Variants in MAMDC2 observed in about 807,000 individuals in gnomAD.
MAMDC2 encodes MAM domain-containing protein 2.
A neutral mutation model predicts 89.8 loss-of-function variants in MAMDC2; 57 were observed. That is an observed-to-expected ratio of 0.63 (90% CI 0.51 to 0.79). The LOEUF is 0.79. Ranked by LOEUF, MAMDC2 falls within the 30% of genes least tolerant of loss-of-function variation. The pLI, the probability that MAMDC2 is intolerant of heterozygous loss-of-function variation, is 0.00. For synonymous variants in MAMDC2, 313 were observed against 293.4 expected, an observed-to-expected ratio of 1.07 and a Z score of -0.68; for missense variants, 800 against 820.6, an observed-to-expected ratio of 0.97 and a Z score of 0.31.
intron 2 of MAMDC2, among the ~76,000 whole-genome samples, chr9:70,096,085 G>A (rs1828020497): frequency 6.6e-6 from 1 of 151,734 alleles, no homozygotes; most frequent in Non-Finnish European, 1.5e-5. Flanking sequence ...CTGCACTGGT[G>A]CAATCACAGC....
intron 5 of MAMDC2, among the ~76,000 whole-genome samples, chr9:70,121,602 A>G (rs2030289008): frequency 6.6e-6 from 1 of 152,098 alleles, no homozygotes; most frequent in South Asian, 2.1e-4. Context: ...GTAATACTTT[A>G]GAATCTCTGT....
At chr9:70,061,566 C>G (rs990902107) in intron 2 of MAMDC2, among the ~76,000 whole-genome samples, 5 of 152,148 alleles carry the variant, frequency 3.3e-5, no homozygotes, top group Non-Finnish European at 7.4e-5. Context: ...AAACCAGGAA[C>G]TGGACTAAGG....
intron 9 of MAMDC2, among the ~76,000 whole-genome samples, chr9:70,152,792 G>A (rs941922828): frequency 1.3e-5 from 2 of 152,158 alleles, no homozygotes; most frequent in African/African-American, 4.8e-5. Flanking sequence ...TCTTTCATGT[G>A]TAAAATGGGT....
chr9:70,086,684 C>T (rs1445514259), intron 2 of MAMDC2: 4 of 152,026 alleles, frequency 2.6e-5, no homozygotes, highest in Non-Finnish European at 4.4e-5. Flanking sequence ...GCAAATAAAC[C>T]CTCCAGGGAT....
At chr9:70,067,554 G>A (rs928201125) in intron 2 of MAMDC2, among the ~76,000 whole-genome samples, 4 of 152,180 alleles carry the variant, frequency 2.6e-5, no homozygotes, top group Non-Finnish European at 5.9e-5. Flanking sequence ...AAGTTATCAA[G>A]TACAGGACAA....
At chr9:70,066,513 G>A (rs1827268926) in intron 2 of MAMDC2, among the ~76,000 whole-genome samples, 1 of 152,218 alleles carries the variant, frequency 6.6e-6, no homozygotes, top group Middle Eastern at 3.4e-3. Flanking sequence ...CAAGGGCGAA[G>A]GGGAGGTAGG....
intron 5 of MAMDC2, among the ~76,000 whole-genome samples, chr9:70,125,129 T>C (rs977002206): frequency 2.0e-5 from 3 of 152,244 alleles, no homozygotes; most frequent in Non-Finnish European, 2.9e-5. Context: ...CACTTCTTTG[T>C]CATCACTCAA....
intron 11 of MAMDC2, among the ~76,000 whole-genome samples, chr9:70,178,040 A>G (rs1260489282): frequency 6.6e-6 from 1 of 152,146 alleles, no homozygotes; most frequent in Non-Finnish European, 1.5e-5. Context: ...CCACACACTT[A>G]TTATGTATCC....
intron 12 of MAMDC2, among the ~76,000 whole-genome samples, chr9:70,218,963 C>T (rs2033502114): frequency 6.6e-6 from 1 of 152,120 alleles, no homozygotes; most frequent in Non-Finnish European, 1.5e-5. Context: ...ATCTTTTACT[C>T]ATCATTACTC....
chr9:70,105,127 T>A (rs1170617925), intron 2 of MAMDC2, among the ~76,000 whole-genome samples: 1 of 152,110 alleles, frequency 6.6e-6, no homozygotes, highest in African/African-American at 2.4e-5. Context: ...AAAGGCAACA[T>A]CCTTGACATT....
intron 2 of MAMDC2, among the ~76,000 whole-genome samples, chr9:70,067,944 A>G (rs975132874): frequency 3.3e-5 from 5 of 152,226 alleles, no homozygotes; most frequent in African/African-American, 1.2e-4. Context: ...GTGATCTTAT[A>G]CAAGGACTTG....
At chr9:70,157,991 C>G (rs1242326293) in intron 9 of MAMDC2, among the ~76,000 whole-genome samples, 1 of 152,156 alleles carries the variant, frequency 6.6e-6, no homozygotes, top group Non-Finnish European at 1.5e-5. Flanking sequence ...GGGTCTTACT[C>G]TGTCACCCAG....
At chr9:70,115,012 A>G in intron 5 of MAMDC2, among the ~76,000 whole-genome samples, 1 of 152,158 alleles carries the variant, frequency 6.6e-6, no homozygotes, top group East Asian at 1.9e-4. Flanking sequence ...CAAGGGGTGG[A>G]TGGTGGGAGA....
intron 12 of MAMDC2, among the ~76,000 whole-genome samples, chr9:70,221,380 T>TAGAGAGAGAGAGAGAGAGAGAGAGAGAG (rs58804811): frequency 1.6e-3 from 11 of 7,034 alleles, no homozygotes; most frequent in Admixed American, 2.8e-3. Context: ...TATATATATA[T>TAGAGAGAGAGAGAGAGAGAGAGAGAGAG]AGAGAGAGAG....
At chr9:70,061,038 A>G (rs1477364409) in intron 2 of MAMDC2, among the ~76,000 whole-genome samples, 1 of 152,156 alleles carries the variant, frequency 6.6e-6, no homozygotes, top group African/African-American at 2.4e-5. Flanking sequence ...CCTAATTTTC[A>G]TGCATCCTTA....
rs550366938 is a variant in MAMDC2, at chr9:70,216,307, G to A, written c.1652-2030G>A. Reference sequence around the variant, plus strand: ...TTACCTCTCACAGTTGTGGAGGCTGGAAAGTCCAACATCAAGGTGCCAGCT... The same window carrying A: ...TTACCTCTCACAGTTGTGGAGGCTGAAAAGTCCAACATCAAGGTGCCAGCT... On this transcript the variant is annotated intron_variant, in intron 11 of 13. Transcript: ENST00000377182. 1.1e-4 allele frequency: 17 copies of A among 152,292 alleles called. No individual in the cohort carries two copies. In the East Asian group the frequency reaches 1.9e-3, roughly 17 times the overall value. The allele number at this position is 152,292 out of a possible 1,614,324, so 9.4% of individuals were successfully genotyped here. A position where few individuals can be genotyped will look rare whatever the true frequency, so the allele number is the denominator to read the frequency against.
chr9:70,123,285 A>T (rs565349255), intron 5 of MAMDC2, among the ~76,000 whole-genome samples: 1 of 152,258 alleles, frequency 6.6e-6, no homozygotes, highest in East Asian at 1.9e-4. Flanking sequence ...ACAGAAGCTA[A>T]CTGGTCATAG....
chr9:70,080,751 G>A (rs1370901991), intron 2 of MAMDC2, among the ~76,000 whole-genome samples: 2 of 152,178 alleles, frequency 1.3e-5, no homozygotes, highest in East Asian at 1.9e-4. Context: ...ACTGAACATC[G>A]AGGAATGGAA....
At chr9:70,125,910 TAAGGAAAGTA>T (rs966430476) in intron 5 of MAMDC2, among the ~76,000 whole-genome samples, 2 of 152,140 alleles carry the variant, frequency 1.3e-5, no homozygotes, top group African/African-American at 2.4e-5. Flanking sequence ...GAATCAAAAG[TAAGGAAAGTA>T]AAAGGAATGG....
Sources: allele counts gnomAD v4.1 joint callset (sites outside exome capture counted in the v4.1 genomes callset), GRCh38; gene constraint gnomAD v4.1.1; transcripts MANE v1.5; gene names NCBI Gene and HGNC (gene_info 2026-07-23, HGNC 2026-07-21).